The following GPC3 variants were observed in gnomAD, a reference collection of about 807,000 sequenced individuals.
GPC3 encodes glypican 3.
Under a neutral mutation model 34.4 loss-of-function variants are expected in GPC3, and 3 were observed. The ratio of observed to expected loss-of-function variants is 0.09; its 90% CI spans 0.04 to 0.23. The LOEUF is 0.23. Ranked by LOEUF, GPC3 falls within the 10% of genes least tolerant of loss-of-function variation. The pLI is 1.00. For synonymous variants in GPC3, 177 were observed against 174.0 expected (o/e 1.02, Z -0.13); for missense variants, 351 against 445.6 (o/e 0.79, Z 1.91).
At chrX:133,921,919 G>A (rs772762953) in intron 2 of GPC3, among the ~76,000 whole-genome samples, 14 of 112,079 alleles carry the variant, frequency 1.2e-4, no homozygotes, top group Middle Eastern at 4.6e-3. Context: ...CTTTCTCCCC[G>A]CAACAATGAG....
Position 133,614,779 on chromosome X carries a change from G to T in GPC3, c.1414-18180C>A, listed in dbSNP as rs2070143960. Among the ~76,000 whole-genome samples, 4 of 111,432 alleles carry T rather than the reference G, an allele frequency of 3.6e-5. No individual in the cohort carries two copies. The South Asian group carries it at 1.5e-3, about 42-fold the overall frequency. On this transcript the variant is annotated intron_variant, in intron 6 of 7. Transcript: ENST00000370818. ...AAAACCCAAAGTTGCTTTTTGAAAA[G>T]ATTAAAAATATTGATATGCCATTAG...
At chrX:133,555,045 C>T (rs1042813055) in intron 7 of GPC3, among the ~76,000 whole-genome samples, 3 of 112,198 alleles carry the variant, frequency 2.7e-5, no homozygotes, top group African/African-American at 9.7e-5. Flanking sequence ...CCACTACACC[C>T]AGGTATTTTT....
chrX:133,615,318 A>G (rs1007071083), intron 6 of GPC3, among the ~76,000 whole-genome samples: 8 of 112,026 alleles, frequency 7.1e-5, no homozygotes, highest in African/African-American at 2.6e-4. Flanking sequence ...ATCTGAATCC[A>G]GCAACATATA....
intron 6 of GPC3, among the ~76,000 whole-genome samples, chrX:133,650,453 CCACCCACA>C (rs1464042727): frequency 1.1e-5 from 1 of 89,071 alleles, no homozygotes; most frequent in African/African-American, 4.2e-5. Context: ...ACCCACACAC[CCACCCACA>C]CACACACACA....
At chrX:133,598,494 C>T (rs747702720) in intron 6 of GPC3, among the ~76,000 whole-genome samples, 2 of 111,497 alleles carry the variant, frequency 1.8e-5, no homozygotes, top group Admixed American at 1.9e-4. Context: ...TAATATAAGA[C>T]AGCTGGATTA....
chrX:133,892,341 G>A (rs2076091754), intron 2 of GPC3, among the ~76,000 whole-genome samples: 1 of 111,313 alleles, frequency 9.0e-6, no homozygotes, highest in Non-Finnish European at 1.9e-5. Context: ...GCTGTAATGA[G>A]CTCAGTTTTG....
chrX:133,831,670 C>T (rs767515184), intron 2 of GPC3, among the ~76,000 whole-genome samples: 4 of 111,782 alleles, frequency 3.6e-5, no homozygotes, highest in African/African-American at 6.5e-5. Flanking sequence ...GCGGAGGTTG[C>T]GATGAGCTGA....
At chrX:133,964,462 A>AT (rs2076454495) in intron 1 of GPC3, among the ~76,000 whole-genome samples, 1 of 111,632 alleles carries the variant, frequency 9.0e-6, no homozygotes, top group Admixed American at 9.5e-5. Context: ...AAAATATTAT[A>AT]TTTTTTCAGG....
At chrX:133,970,423 T>G in intron 1 of GPC3, among the ~76,000 whole-genome samples, 1 of 111,364 alleles carries the variant, frequency 9.0e-6, no homozygotes, top group East Asian at 2.8e-4. Context: ...TGGTACTAAT[T>G]GTTATTCCTG....
intron 5 of GPC3, among the ~76,000 whole-genome samples, chrX:133,662,141 A>G (rs2070734306): frequency 1.8e-5 from 2 of 111,797 alleles, no homozygotes; most frequent in Non-Finnish European, 3.8e-5. Flanking sequence ...TGGGGAGTCT[A>G]GAAGAGTAAG....
intron 2 of GPC3, among the ~76,000 whole-genome samples, chrX:133,892,055 C>A (rs918366477): frequency 9.1e-6 from 1 of 110,419 alleles, no homozygotes; most frequent in African/African-American, 3.3e-5. Context: ...ATAGAAACTC[C>A]GTGTTAGATA....
chrX:133,943,260 C>T lies in GPC3; in HGVS notation c.337+9790G>A, dbSNP rs186939278. Among the ~76,000 whole-genome samples the T allele has an allele frequency of 2.7e-5, 3 of 112,169 alleles. No homozygotes were observed. In the Admixed American group the frequency reaches 2.8e-4, roughly 11 times the overall value. On this transcript the variant is annotated intron_variant, in intron 2 of 7. Transcript: ENST00000370818. ...ACCCTCATTTTGTAAAAGGGGGTTA[C>T]GTAACTAGTGAGTAACAAGAGTATT...
intron 7 of GPC3, among the ~76,000 whole-genome samples, chrX:133,547,666 A>G (rs978407512): frequency 2.7e-5 from 3 of 109,660 alleles, no homozygotes; most frequent in African/African-American, 1.0e-4. Flanking sequence ...TATTATTATT[A>G]TCATCATCAT....
At position 133,889,540 on chromosome X, in the gene GPC3, C is replaced by T. The variant is rs1188842769; in HGVS notation, c.337+63510G>A. Among the ~76,000 whole-genome samples, 3 of 111,911 alleles carry T rather than the reference C, an allele frequency of 2.7e-5. No individual in the cohort carries two copies. In the East Asian group the frequency reaches 8.4e-4, roughly 31 times the overall value. On this transcript the variant is annotated intron_variant, in intron 2 of 7. Transcript: ENST00000370818. ...TGCTTGCAAGATCCTGTTACATCCT[C>T]AGAAGTTGGTGCATGTGTATGTGTG...
chrX:133,546,722 T>A (rs1380359184), intron 7 of GPC3, among the ~76,000 whole-genome samples: 1 of 112,301 alleles, frequency 8.9e-6, no homozygotes, highest in Non-Finnish European at 1.9e-5. Flanking sequence ...TTGTACACTG[T>A]TGGTAGAGAT....
intron 6 of GPC3, among the ~76,000 whole-genome samples, chrX:133,660,684 C>T (rs186284401): frequency 2.7e-5 from 3 of 111,629 alleles, no homozygotes; most frequent in Non-Finnish European, 5.6e-5. Flanking sequence ...TTGCTCATAT[C>T]CTTTGACCCA....
intron 2 of GPC3, among the ~76,000 whole-genome samples, chrX:133,935,621 C>T (rs947967213): frequency 6.3e-5 from 7 of 111,008 alleles, no homozygotes; most frequent in South Asian, 3.8e-4. Flanking sequence ...GCAGTGCTCA[C>T]GTTATATTTG....
chrX:133,915,579 T>C (rs1021218739), intron 2 of GPC3, among the ~76,000 whole-genome samples: 2 of 112,531 alleles, frequency 1.8e-5, no homozygotes, highest in Non-Finnish European at 3.7e-5. Flanking sequence ...ACATACATTA[T>C]GTTTGGTCAT....
rs1312406474 is a variant in GPC3 at position 133,699,795 on chromosome X, CTAAA to C, written c.1166+96_1166+99del. 1.1e-5 allele frequency: 7 copies of C among 636,548 alleles called. No homozygotes were observed. In the Admixed American group the frequency reaches 2.5e-4, roughly 22 times the overall value. The allele number at this position is 636,548 out of a possible 1,213,427, so 52.5% of individuals were successfully genotyped here. On this transcript the variant is annotated intron_variant, in intron 4 of 7. Transcript: ENST00000370818. ...TAATCAAGCACTCTACTCAGAAGAA[CTAAA>C]TAACATGTATTTAAGAAGTTTCACT...
Sources: gnomAD v4.1 joint callset for allele counts (sites outside exome capture counted in the v4.1 genomes callset) on GRCh38, gnomAD v4.1.1 for gene constraint, MANE v1.5 for transcripts, NCBI Gene and HGNC (gene_info 2026-07-23, HGNC 2026-07-21) for gene names.